ITIH5: variants seen among roughly 807,000 people sequenced by gnomAD.
ITIH5 encodes inter-alpha-trypsin inhibitor heavy chain H5.
Under a neutral mutation model 77.5 loss-of-function variants are expected in ITIH5, and 65 were observed. The ratio of observed to expected loss-of-function variants is 0.84; its 90% CI spans 0.69 to 1.03. ITIH5 has a LOEUF of 1.03. Among genes scored for constraint, ITIH5 ranks in the 50% least tolerant of loss-of-function variants. The probability of loss-of-function intolerance (pLI) is 0.00; values close to 1 mark genes in which losing one functional copy is unlikely to be tolerated. For synonymous variants in ITIH5, 525 were observed against 494.3 expected, an observed-to-expected ratio of 1.06 and a Z score of -0.82; for missense variants, 1,208 against 1,213.1, an observed-to-expected ratio of 1.00 and a Z score of 0.06.
intron 2 of ITIH5, among the ~76,000 whole-genome samples, chr10:7,644,672 T>G (rs556170284): frequency 2.0e-3 from 271 of 138,660 alleles, no homozygotes; most frequent in Non-Finnish European, 3.4e-3. Context: ...ATCATATATA[T>G]CACATATATA....
intron 7 of ITIH5, among the ~76,000 whole-genome samples, chr10:7,591,697 G>C (rs908475497): frequency 1.3e-5 from 2 of 151,956 alleles, no homozygotes; most frequent in African/African-American, 4.8e-5. Flanking sequence ...ACTTCCAAGA[G>C]AGCCCTTCCC....
intron 7 of ITIH5, among the ~76,000 whole-genome samples, chr10:7,612,970 C>G (rs572788289): frequency 6.6e-6 from 1 of 152,152 alleles, no homozygotes; most frequent in Admixed American, 6.6e-5. Context: ...CAGGGCCGGG[C>G]GCGGTGGCTC....
At chr10:7,580,144 G>A (rs190359093) in intron 8 of ITIH5, 80 bp from the exon 9 acceptor site, 36 of 1,224,630 alleles carry the variant, frequency 2.9e-5, no homozygotes, top group East Asian at 5.1e-5. Flanking sequence ...TTTTTGAGAC[G>A]GAGTCTTGCT....
At chr10:7,649,134 C>T (rs1834051396) in intron 2 of ITIH5, among the ~76,000 whole-genome samples, 1 of 152,118 alleles carries the variant, frequency 6.6e-6, no homozygotes, top group Non-Finnish European at 1.5e-5. Context: ...GAACAGAAGC[C>T]ATGACTACTA....
At chr10:7,660,657 C>T (rs979019450) in intron 1 of ITIH5, among the ~76,000 whole-genome samples, 5 of 152,138 alleles carry the variant, frequency 3.3e-5, no homozygotes, top group South Asian at 2.1e-4. Context: ...CAGGATCCAC[C>T]GGAGCATCAG....
chr10:7,646,103 C>T (rs542137707), intron 2 of ITIH5, among the ~76,000 whole-genome samples: 7 of 152,184 alleles, frequency 4.6e-5, no homozygotes, highest in Admixed American at 1.3e-4. Flanking sequence ...TAAGAAATGC[C>T]CCACGGCTGT....
intron 7 of ITIH5, among the ~76,000 whole-genome samples, chr10:7,598,589 T>C (rs1031970803): frequency 6.6e-6 from 1 of 152,240 alleles, no homozygotes; most frequent in African/African-American, 2.4e-5. Flanking sequence ...TTTCATTTAC[T>C]GCTTAAAGTC....
intron 5 of ITIH5, among the ~76,000 whole-genome samples, chr10:7,624,816 C>CATATATATATATATATACACAT (rs375732694): frequency 5.2e-4 from 19 of 36,610 alleles, no homozygotes; most frequent in African/African-American, 1.8e-3. Flanking sequence ...TATATATACA[C>CATATATATATATATATACACAT]ATATATATGT....
chr10:7,629,132 A>ATGTGTCCGTGTTGTG (rs1564269455), intron 5 of ITIH5, among the ~76,000 whole-genome samples: 3 of 106,986 alleles, frequency 2.8e-5, no homozygotes, highest in African/African-American at 1.2e-4. Flanking sequence ...TCCGTGTTGT[A>ATGTGTCCGTGTTGTG]GCATGTGTCC....
At chr10:7,654,781 A>G (rs1405154969) in intron 2 of ITIH5, among the ~76,000 whole-genome samples, 1 of 152,228 alleles carries the variant, frequency 6.6e-6, no homozygotes, top group East Asian at 1.9e-4. Context: ...GCTTGTAAGT[A>G]GCTTTAATCT....
chr10:7,641,874 C>T, intron 3 of ITIH5, 53 bp downstream of exon 3: 1 of 1,564,910 alleles, frequency 6.4e-7, no homozygotes, highest in Non-Finnish European at 8.8e-7. Flanking sequence ...ATCTCAGGCT[C>T]AACCTGACCA....
At chr10:7,585,740 C>T (rs1034252964) in intron 8 of ITIH5, among the ~76,000 whole-genome samples, 161 bp downstream of exon 8, 9 of 151,070 alleles carry the variant, frequency 6.0e-5, no homozygotes, top group Non-Finnish European at 8.8e-5. Flanking sequence ...TTTGGTATTC[C>T]GAGCAACCTA....
At chr10:7,572,996 T>C (rs12254204) in intron 11 of ITIH5, 146 bp downstream of exon 11, 119,112 of 669,492 alleles carry the variant, frequency 0.18, 11,971 homozygotes, top group Non-Finnish European at 0.22. Context: ...CAGGCTGGTC[T>C]TGAACTCCTG....
In ITIH5 at chr10:7,576,543, T is replaced by G. The variant is rs757455747; in HGVS notation, c.1888A>C (p.Met630Leu). The change falls in exon 10 of 14, where the codon ATG becomes CTG. Residue 630 changes from methionine to leucine, a missense_variant. Transcript: ENST00000397146. Reference protein sequence around the residue: ...SMKLRGPVPRMDGLEEAHGMS... With the variant: ...SMKLRGPVPRLDGLEEAHGMS... ...CCGTGGGCCTCCTCCAGGCCATCCA[T>G]GCGTGGGACCGGCCCCCTCAGCTTC... 8 of 1,613,288 alleles carry G rather than the reference T, an allele frequency of 5.0e-6. No homozygotes were observed. Among genetic ancestry groups the G allele is most frequent in the Admixed American group, 1.7e-5 (1 of 60,004 alleles).
At position 7,559,857 on chromosome 10, in the gene ITIH5, G is replaced by A. The variant is rs1564227103; in HGVS notation, c.*3226C>T. ...CTCTCCCATGTCTTTTTTTTGTTTT[G>A]TTTTGTTTTTTTTTGACGGAGTTTG... On this transcript the variant is annotated 3_prime_UTR_variant, in exon 14 of 14. Coordinates refer to ENST00000397146, the MANE Select transcript of ITIH5 (RefSeq NM_030569.7). The A allele has an allele frequency of 2.2e-6, 1 of 450,968 alleles. No homozygotes were observed. The highest frequency in any genetic ancestry group is 4.4e-6 in the Non-Finnish European group (1 of 226,032). 27.9% of individuals were successfully genotyped at this position (450,968 alleles called of 1,614,324 possible).
intron 7 of ITIH5, among the ~76,000 whole-genome samples, chr10:7,596,746 A>T (rs1309069676): frequency 6.6e-6 from 1 of 152,056 alleles, no homozygotes; most frequent in African/African-American, 2.4e-5. Flanking sequence ...AACAATTTAA[A>T]ATAATCCAGT....
chr10:7,585,541 T>C (rs959830507), intron 8 of ITIH5, among the ~76,000 whole-genome samples: 1 of 152,174 alleles, frequency 6.6e-6, no homozygotes, highest in African/African-American at 2.4e-5. Context: ...CACGAAACAC[T>C]GGCTGGTCCA....
At chr10:7,596,976 G>A (rs1832911874) in intron 7 of ITIH5, among the ~76,000 whole-genome samples, 1 of 141,776 alleles carries the variant, frequency 7.1e-6, no homozygotes. Context: ...AAACCAGGAG[G>A]TGGAGGTTGC....
In ITIH5 at chr10:7,587,443, C is replaced by T. The variant is rs142376286; in HGVS notation, c.940-1374G>A. Reference sequence around the variant, plus strand: ...CATGAAAGGACATCCGGCACCTTTACGAAGTTGAAGAGCACAGGCTTCAGA... The same window carrying T: ...CATGAAAGGACATCCGGCACCTTTATGAAGTTGAAGAGCACAGGCTTCAGA... On this transcript the variant is annotated intron_variant, in intron 7 of 13. Transcript: ENST00000397146. Among the ~76,000 whole-genome samples, 361 of 152,278 alleles carry T rather than the reference C, an allele frequency of 2.4e-3. 1 individual carries two copies. The highest frequency in any genetic ancestry group is 8.1e-3 in the African/African-American group (335 of 41,544).
Sources: allele counts gnomAD v4.1 joint callset (sites outside exome capture counted in the v4.1 genomes callset), GRCh38; gene constraint gnomAD v4.1.1; transcripts MANE v1.5; gene names NCBI Gene and HGNC (gene_info 2026-07-23, HGNC 2026-07-21).